Variants in MTCL1 observed in about 807,000 individuals in gnomAD.
The protein encoded by MTCL1 is microtubule cross-linking factor 1.
MTCL1 carries 79 observed loss-of-function variants against 141.4 expected under a neutral mutation model. That is an observed-to-expected ratio of 0.56 (90% CI 0.47 to 0.67). The LOEUF (loss-of-function observed/expected upper bound fraction) is 0.67. Ranked by LOEUF, MTCL1 falls within the 30% of genes least tolerant of loss-of-function variation. MTCL1 has a pLI of 0.00. For missense variants in MTCL1, 2,177 were observed against 2,113.9 expected (o/e 1.03, Z -0.59); for synonymous variants, 914 against 875.8 (o/e 1.04, Z -0.77).
chr18:8,786,110 T>TCCCCCCCCCCCAC lies in MTCL1; in HGVS notation c.1887+30_1887+31insACCCCCCCCCCCC. ...CCTGGAGGTCAGCGTGGGCAAGCAA[T>TCCCCCCCCCCCAC]CCCCCCCCCCCGCCCTCCCCCTCCT... On this transcript the variant is annotated intron_variant, in intron 7 of 16. Coordinates refer to ENST00000359865, the Ensembl canonical transcript of MTCL1. The TCCCCCCCCCCCAC allele has an allele frequency of 4.6e-5, 60 of 1,310,344 alleles. No homozygotes were observed. Among genetic ancestry groups the TCCCCCCCCCCCAC allele is most frequent in the South Asian group, 1.6e-4 (12 of 77,208 alleles). The allele number at this position is 1,310,344 out of a possible 1,614,324, so 81.2% of individuals were successfully genotyped here.
chr18:8,734,147 C>T (rs1240395178), intron 4 of MTCL1, among the ~76,000 whole-genome samples: 1 of 151,940 alleles, frequency 6.6e-6, no homozygotes, highest in East Asian at 1.9e-4. Context: ...GGGGACTATC[C>T]TGTGGACTGC....
rs1332696530 is a variant in MTCL1, at chr18:8,786,142, G to A, written c.1887+51G>A. 2.5e-6 allele frequency: 3 copies of A among 1,213,480 alleles called. No homozygotes were observed. The South Asian group carries it at 5.8e-5, about 23-fold the overall frequency. The allele number at this position is 1,213,480 out of a possible 1,614,324, so 75.2% of individuals were successfully genotyped here. Reference sequence around the variant, plus strand: ...CCCCCGCCCTCCCCCTCCTTTTTCTGTGTGGCTGGCTGTGTGACGTTTTCT... The same window carrying A: ...CCCCCGCCCTCCCCCTCCTTTTTCTATGTGGCTGGCTGTGTGACGTTTTCT... On this transcript the variant is annotated intron_variant, in intron 7 of 16. Transcript: ENST00000359865.
chr18:8,805,421 C>G (rs1480386737), intron 10 of MTCL1, among the ~76,000 whole-genome samples: 1 of 152,202 alleles, frequency 6.6e-6, no homozygotes, highest in Non-Finnish European at 1.5e-5. Flanking sequence ...AACCATGTTG[C>G]TGCAGAAGCC....
At chr18:8,714,746 A>G (rs1054852759), upstream of MTCL1, among the ~76,000 whole-genome samples, 20 of 151,976 alleles carry the variant, frequency 1.3e-4, no homozygotes, top group African/African-American at 4.8e-4. Flanking sequence ...TCAAGATGAG[A>G]TTTGAGTGGG....
At chr18:8,790,963 C>T (rs534946038) in intron 7 of MTCL1, among the ~76,000 whole-genome samples, 150 of 152,200 alleles carry the variant, frequency 9.9e-4, no homozygotes, top group Non-Finnish European at 1.7e-3. Flanking sequence ...TGCAGTGAGC[C>T]GACGTCACGC....
rs16954299 is a variant in MTCL1, at chr18:8,817,651, T to A, written c.2860-1312T>A. Among the ~76,000 whole-genome samples the A allele has an allele frequency of 8.6e-3, 1,303 of 152,242 alleles. 19 individuals carry two copies. Among genetic ancestry groups the A allele is most frequent in the African/African-American group, 0.03 (1,242 of 41,530 alleles). On this transcript the variant is annotated intron_variant, in intron 12 of 16. Transcript: ENST00000359865. ...GTTTGTAGTGATGCTTAAAAAAAAA[T>A]GAATTGATCTGCATTCAAGGAGGTT...
intron 4 of MTCL1, among the ~76,000 whole-genome samples, chr18:8,749,435 C>A (rs374806836): frequency 6.6e-6 from 1 of 152,080 alleles, no homozygotes; most frequent in Non-Finnish European, 1.5e-5. Flanking sequence ...TCAGGGTGTT[C>A]GATGCACTCT....
At chr18:8,705,585 A>ACGCCGCCGCCAC, upstream of MTCL1, 1 of 1,137,516 alleles carries the variant, frequency 8.8e-7, no homozygotes, top group Non-Finnish European at 1.1e-6. The surrounding 1 kb of genome is among the most constrained non-coding windows in gnomAD (Gnocchi z 5.2). Context: ...GGGAGGCTGC[A>ACGCCGCCGCCAC]CGCCGCCGCC....
chr18:8,786,122 G>GCCC, intron 7 of MTCL1, 31 bp downstream of exon 6: 28 of 484,676 alleles, frequency 5.8e-5, no homozygotes, highest in South Asian at 2.4e-4. Flanking sequence ...CCCCCCCCCC[G>GCCC]CCCTCCCCCT....
chr18:8,791,583 A>G (rs1430914680), intron 7 of MTCL1, among the ~76,000 whole-genome samples: 2 of 152,150 alleles, frequency 1.3e-5, no homozygotes, highest in East Asian at 3.9e-4. Context: ...GCTATCAGAT[A>G]AGTGCCTACA....
At chr18:8,825,705 C>T in exon 15 of MTCL1, 1 of 1,614,038 alleles carries the variant, frequency 6.2e-7, no homozygotes, top group Non-Finnish European at 8.5e-7. Flanking sequence ...GCAGAGGAAG[C>T]CCCTCCCCAA....
chr18:8,819,850 A>G (rs959212605), intron 13 of MTCL1, among the ~76,000 whole-genome samples: 1 of 152,078 alleles, frequency 6.6e-6, no homozygotes, highest in Non-Finnish European at 1.5e-5. Context: ...GGCTCAAGTG[A>G]TCTGTCTGCC....
intron 12 of MTCL1, among the ~76,000 whole-genome samples, chr18:8,813,509 G>C (rs75046982): frequency 0.017 from 2,584 of 151,982 alleles, 27 homozygotes; most frequent in African/African-American, 0.023. Flanking sequence ...TTGTGGGAGC[G>C]GGGGGATAAC....
At chr18:8,750,420 G>A (rs1277099156) in intron 4 of MTCL1, among the ~76,000 whole-genome samples, 2 of 152,220 alleles carry the variant, frequency 1.3e-5, no homozygotes, top group Non-Finnish European at 2.9e-5. Flanking sequence ...CGGTCCTGGA[G>A]GGTGCCCCTC....
chr18:8,798,407 C>T (rs1479971247), intron 10 of MTCL1, 116 bp downstream of exon 9: 6 of 850,398 alleles, frequency 7.1e-6, no homozygotes, highest in South Asian at 2.6e-5. Flanking sequence ...AAAATTCCAC[C>T]GCCTGACTGC....
At position 8,822,404 on chromosome 18, in the gene MTCL1, G is replaced by C. The variant is rs138898402; in HGVS notation, c.3188+906G>C. Among the ~76,000 whole-genome samples the C allele has an allele frequency of 1.4e-4, 21 of 152,318 alleles. No individual in the cohort carries two copies. The highest frequency in any genetic ancestry group is 4.8e-4 in the African/African-American group (20 of 41,568). ...CTGCCCCCTGGGTTCAAGCAATTCT[G>C]CATCAGCCTCCCAAGTAGCTGGGAT... is the stretch of plus-strand genomic sequence containing the variant. On this transcript the variant is annotated intron_variant, in intron 14 of 16. Transcript: ENST00000359865. This position sits in a 1 kb window ranked among gnomAD's most constrained non-coding sequence, Gnocchi z 4.6.
At chr18:8,729,211 A>G in intron 4 of MTCL1, among the ~76,000 whole-genome samples, 1 of 117,818 alleles carries the variant, frequency 8.5e-6, no homozygotes, top group Non-Finnish European at 1.7e-5. Flanking sequence ...CTAGTGCCAC[A>G]TGCCCAGCTA....
chr18:8,824,880 C>T (rs751107786), exon 15 of MTCL1: 1 of 1,614,006 alleles, frequency 6.2e-7, no homozygotes, highest in South Asian at 1.1e-5. Flanking sequence ...CAACAGGGGC[C>T]ACAATGGTGG....
exon 15 of MTCL1, chr18:8,825,727 C>G: frequency 6.2e-7 from 1 of 1,614,146 alleles, no homozygotes; most frequent in Non-Finnish European, 8.5e-7. Flanking sequence ...GCCGACCAGC[C>G]AAATAACAGG....
Sources: allele counts gnomAD v4.1 joint callset (sites outside exome capture counted in the v4.1 genomes callset), GRCh38; gene constraint gnomAD v4.1.1; non-coding constraint Gnocchi (gnomAD v3.1); transcripts MANE v1.5; gene names NCBI Gene and HGNC (gene_info 2026-07-23, HGNC 2026-07-21).